Variants in GPR158 observed in about 807,000 individuals in gnomAD.
The protein encoded by GPR158 is G protein-coupled receptor 158, also known as metabotropic glycine receptor.
A neutral mutation model predicts 78.2 loss-of-function variants in GPR158; 30 were observed. The ratio of observed to expected loss-of-function variants is 0.38; its 90% confidence interval spans 0.29 to 0.52. GPR158 has a LOEUF of 0.52. GPR158 is among the 20% of genes least tolerant of loss of function. GPR158 has a pLI of 0.83. For synonymous variants in GPR158, 581 were observed against 591.1 expected, an observed-to-expected ratio of 0.98 and a Z score of 0.25; for missense variants, 1,463 against 1,523.5, an observed-to-expected ratio of 0.96 and a Z score of 0.66.
chr10:25,494,208 G>A (rs1399746363), intron 5 of GPR158, among the ~76,000 whole-genome samples: 1 of 152,016 alleles, frequency 6.6e-6, no homozygotes, highest in African/African-American at 2.4e-5. Flanking sequence ...AAGAATCTTT[G>A]GTATGTGTAA....
intron 5 of GPR158, among the ~76,000 whole-genome samples, chr10:25,509,207 G>A (rs1836052074): frequency 1.3e-5 from 2 of 152,046 alleles, no homozygotes; most frequent in African/African-American, 4.8e-5. Flanking sequence ...ATGTCACCTG[G>A]GAGCACAATC....
intron 5 of GPR158, among the ~76,000 whole-genome samples, chr10:25,477,618 C>A (rs1041718310): frequency 6.6e-6 from 1 of 152,054 alleles, no homozygotes; most frequent in South Asian, 2.1e-4. Context: ...TTAAGCTGAT[C>A]CGTAGAATCC....
chr10:25,348,711 A>C (rs1389949361), intron 2 of GPR158, among the ~76,000 whole-genome samples: 1 of 151,990 alleles, frequency 6.6e-6, no homozygotes, highest in Non-Finnish European at 1.5e-5. Flanking sequence ...CCTCTTTCTT[A>C]ATCCAAGATA....
At chr10:25,288,493 T>C (rs1045119713) in intron 2 of GPR158, among the ~76,000 whole-genome samples, 3 of 152,168 alleles carry the variant, frequency 2.0e-5, no homozygotes, top group African/African-American at 7.2e-5. Flanking sequence ...CAAATGGGAG[T>C]TCAGTTCCAG....
chr10:25,296,522 G>T (rs997428684), intron 2 of GPR158, among the ~76,000 whole-genome samples: 6 of 152,038 alleles, frequency 3.9e-5, no homozygotes, highest in African/African-American at 1.2e-4. Flanking sequence ...ATTGATTATT[G>T]ATTGATCTTT....
At chr10:25,374,395 A>T (rs981538791) in intron 2 of GPR158, among the ~76,000 whole-genome samples, 1 of 151,716 alleles carries the variant, frequency 6.6e-6, no homozygotes, top group Non-Finnish European at 1.5e-5. Context: ...GTCATTGGTA[A>T]CAGTCCACAG....
intron 2 of GPR158, among the ~76,000 whole-genome samples, chr10:25,298,910 T>C (rs1854553426): frequency 6.6e-6 from 1 of 152,212 alleles, no homozygotes; most frequent in Non-Finnish European, 1.5e-5. Context: ...AGGAGCTTTT[T>C]CACTTTACCT....
intron 2 of GPR158, among the ~76,000 whole-genome samples, chr10:25,388,893 G>A (rs1413598137): frequency 6.6e-6 from 1 of 152,246 alleles, no homozygotes; most frequent in Non-Finnish European, 1.5e-5. Context: ...ATGGAGCAAA[G>A]TTGAGGCTGA....
intron 2 of GPR158, among the ~76,000 whole-genome samples, chr10:25,282,991 G>A (rs1854298327): frequency 6.6e-6 from 1 of 151,906 alleles, no homozygotes; most frequent in African/African-American, 2.4e-5. Flanking sequence ...ATGTCTTTCT[G>A]GTTTTGACAT....
At chr10:25,527,971 A>G (rs530942775) in intron 5 of GPR158, among the ~76,000 whole-genome samples, 2 of 152,136 alleles carry the variant, frequency 1.3e-5, no homozygotes, top group Non-Finnish European at 2.9e-5. Context: ...GAAAAATACA[A>G]CTTACTAAAA....
intron 2 of GPR158, among the ~76,000 whole-genome samples, chr10:25,382,173 C>T (rs1044880119): frequency 6.6e-6 from 1 of 152,098 alleles, no homozygotes; most frequent in Non-Finnish European, 1.5e-5. Flanking sequence ...AAAGAATTTA[C>T]GTTTGTCAAG....
intron 2 of GPR158, among the ~76,000 whole-genome samples, chr10:25,273,402 T>G: frequency 7.2e-6 from 1 of 138,418 alleles, no homozygotes; most frequent in East Asian, 2.0e-4. Context: ...ATTGGCATCT[T>G]TTTTTTTTTT....
intron 5 of GPR158, among the ~76,000 whole-genome samples, chr10:25,521,837 A>T (rs1329543087): frequency 6.6e-6 from 1 of 152,246 alleles, no homozygotes; most frequent in Non-Finnish European, 1.5e-5. Context: ...TCCTACAGAT[A>T]TTAGTTTATA....
intron 2 of GPR158, among the ~76,000 whole-genome samples, chr10:25,286,670 T>G (rs973406139): frequency 6.6e-6 from 1 of 152,128 alleles, no homozygotes; most frequent in Non-Finnish European, 1.5e-5. Flanking sequence ...TGTAGGACAG[T>G]AGCCACAGAA....
intron 5 of GPR158, among the ~76,000 whole-genome samples, chr10:25,535,496 G>C (rs1327562454): frequency 6.6e-6 from 1 of 152,200 alleles, no homozygotes; most frequent in African/African-American, 2.4e-5. Flanking sequence ...GCATGGGCTT[G>C]GAAGTGTATC....
intron 5 of GPR158, among the ~76,000 whole-genome samples, chr10:25,505,121 A>G (rs1835993805): frequency 6.6e-6 from 1 of 152,260 alleles, no homozygotes; most frequent in Admixed American, 6.5e-5. Context: ...TGCCTAACAC[A>G]TAATAGACAT....
chr10:25,267,187 A>G (rs1414402878), intron 2 of GPR158, among the ~76,000 whole-genome samples: 1 of 152,142 alleles, frequency 6.6e-6, no homozygotes, highest in East Asian at 1.9e-4. Flanking sequence ...TCATGCTGCT[A>G]ATAAAGACAT....
intron 2 of GPR158, among the ~76,000 whole-genome samples, chr10:25,286,689 C>A (rs520827): frequency 6.6e-6 from 1 of 151,452 alleles, no homozygotes; most frequent in African/African-American, 2.4e-5. Flanking sequence ...AAGTAGATAG[C>A]TTTTTTTTGT....
chr10:25,227,983 A>AT (rs1275396195), intron 2 of GPR158, among the ~76,000 whole-genome samples: 4 of 152,164 alleles, frequency 2.6e-5, no homozygotes, highest in Middle Eastern at 3.2e-3. Context: ...ATGTTTATAA[A>AT]TTTTTTGACA....
Sources: allele counts gnomAD v4.1 joint callset (sites outside exome capture counted in the v4.1 genomes callset), GRCh38; gene constraint gnomAD v4.1.1; transcripts MANE v1.5; gene names NCBI Gene and HGNC (gene_info 2026-07-23, HGNC 2026-07-21).